HTR1F: variants seen among roughly 807,000 people sequenced by gnomAD.
HTR1F encodes the protein 5-hydroxytryptamine (serotonin) receptor 1F, G protein-coupled.
In HTR1F, 17 loss-of-function variants were observed where a neutral mutation model predicts 24.0. The ratio of observed to expected loss-of-function variants is 0.71; its 90% confidence interval spans 0.48 to 1.06. The LOEUF (loss-of-function observed/expected upper bound fraction) is 1.06. Among genes scored for constraint, HTR1F ranks in the 50% least tolerant of loss-of-function variants. HTR1F has a pLI of 0.00. For missense variants in HTR1F, 391 were observed against 427.8 expected (o/e 0.91, Z 0.76); for synonymous variants, 186 against 156.8 (o/e 1.19, Z -1.39).
At chr3:87,820,797 T>G (rs1704344798) in intron 1 of HTR1F, among the ~76,000 whole-genome samples, 1 of 152,168 alleles carries the variant, frequency 6.6e-6, no homozygotes, top group Non-Finnish European at 1.5e-5. Flanking sequence ...GTGGCTAAGA[T>G]TTACAGATTC....
At chr3:87,836,133 T>C (rs1704678129) in intron 2 of HTR1F, among the ~76,000 whole-genome samples, 1 of 152,236 alleles carries the variant, frequency 6.6e-6, no homozygotes, top group African/African-American at 2.4e-5. Context: ...GCCAGATGGA[T>C]TCCATGCTAG....
chr3:87,850,400 T>C (rs575957464), intron 2 of HTR1F, among the ~76,000 whole-genome samples: 56 of 151,814 alleles, frequency 3.7e-4, no homozygotes, highest in Admixed American at 1.3e-3. Flanking sequence ...TAGGTCGGAA[T>C]TGAACAATGA....
chr3:87,920,938 C>T (rs575631799), intron 2 of HTR1F, among the ~76,000 whole-genome samples: 1 of 152,120 alleles, frequency 6.6e-6, no homozygotes, highest in South Asian at 2.1e-4. Context: ...CTTGCTTCTC[C>T]TCTTTCTTTC....
chr3:87,920,514 A>T (rs1265135404), intron 2 of HTR1F, among the ~76,000 whole-genome samples: 7 of 152,040 alleles, frequency 4.6e-5, no homozygotes, highest in African/African-American at 1.4e-4. Context: ...TATATTTTTT[A>T]AAAAAGAAAT....
At chr3:87,907,328 T>G (rs1576013719) in intron 2 of HTR1F, among the ~76,000 whole-genome samples, 4 of 152,174 alleles carry the variant, frequency 2.6e-5, no homozygotes, top group Admixed American at 2.6e-4. Context: ...GTATATCTTC[T>G]TTTGAGAATT....
At chr3:87,972,466 A>C (rs1378072522) in intron 2 of HTR1F, among the ~76,000 whole-genome samples, 1 of 152,212 alleles carries the variant, frequency 6.6e-6, no homozygotes, top group Non-Finnish European at 1.5e-5. Flanking sequence ...TCTGGTGACT[A>C]CAGATGCACA....
chr3:87,880,847 TA>T (rs1269110991), intron 2 of HTR1F, among the ~76,000 whole-genome samples: 1 of 152,188 alleles, frequency 6.6e-6, no homozygotes, highest in African/African-American at 2.4e-5. Context: ...TAAACAGTTG[TA>T]AACTGTAATT....
chr3:87,801,065 C>G (rs937582102), intron 1 of HTR1F, among the ~76,000 whole-genome samples: 11 of 152,130 alleles, frequency 7.2e-5, no homozygotes, highest in African/African-American at 1.7e-4. Context: ...ATTCTTTTTT[C>G]TTGAAATGAA....
intron 1 of HTR1F, among the ~76,000 whole-genome samples, chr3:87,798,910 G>A (rs150803822): frequency 1.2e-3 from 181 of 152,120 alleles, no homozygotes; most frequent in Non-Finnish European, 2.0e-3. Flanking sequence ...TTCTTCATTC[G>A]TTTGGTGATC....
At chr3:87,925,675 G>C (rs751888260) in intron 2 of HTR1F, among the ~76,000 whole-genome samples, 3 of 152,102 alleles carry the variant, frequency 2.0e-5, no homozygotes, top group Non-Finnish European at 4.4e-5. Flanking sequence ...TTCTTCTTTG[G>C]AGTAATGCAG....
At chr3:87,894,701 T>C (rs1706162324) in intron 2 of HTR1F, among the ~76,000 whole-genome samples, 1 of 151,924 alleles carries the variant, frequency 6.6e-6, no homozygotes, top group Admixed American at 6.6e-5. Flanking sequence ...ATCTCTGCAT[T>C]TACCTGTTGG....
At chr3:87,845,916 C>G (rs1262781682) in intron 2 of HTR1F, among the ~76,000 whole-genome samples, 4 of 151,760 alleles carry the variant, frequency 2.6e-5, no homozygotes, top group African/African-American at 9.7e-5. Context: ...ATTGTAAATT[C>G]CTTAGGAGCA....
At chr3:87,890,303 T>A (rs7626243) in intron 2 of HTR1F, among the ~76,000 whole-genome samples, 1 of 152,246 alleles carries the variant, frequency 6.6e-6, no homozygotes, top group East Asian at 1.9e-4. Flanking sequence ...CTCAGCAATA[T>A]ACCTGAGGGA....
chr3:87,845,614 C>T (rs1297651128), intron 2 of HTR1F, among the ~76,000 whole-genome samples: 2 of 151,150 alleles, frequency 1.3e-5, no homozygotes, highest in African/African-American at 2.5e-5. Flanking sequence ...ACATTCCATG[C>T]TCATGGGTAG....
intron 2 of HTR1F, among the ~76,000 whole-genome samples, chr3:87,950,625 A>C (rs1448701257): frequency 6.6e-6 from 1 of 152,186 alleles, no homozygotes; most frequent in Non-Finnish European, 1.5e-5. Context: ...TGAGAATAAA[A>C]AGAATGATTA....
intron 2 of HTR1F, among the ~76,000 whole-genome samples, chr3:87,913,104 T>G: frequency 6.6e-6 from 1 of 152,116 alleles, no homozygotes; most frequent in Admixed American, 6.5e-5. Flanking sequence ...TAATTAAATT[T>G]AAGAGCTTCT....
chr3:87,885,883 G>A (rs1465813957), intron 2 of HTR1F, among the ~76,000 whole-genome samples: 6 of 152,110 alleles, frequency 3.9e-5, no homozygotes, highest in Non-Finnish European at 5.9e-5. Flanking sequence ...AGGACCAGAC[G>A]GATTCTCAGC....
chr3:87,835,506 C>A (rs1183242394), intron 2 of HTR1F, among the ~76,000 whole-genome samples: 1 of 152,076 alleles, frequency 6.6e-6, no homozygotes, highest in Non-Finnish European at 1.5e-5. Context: ...TATCTGAACC[C>A]CTATTTTCAT....
At position 87,974,737 on chromosome 3, in the gene HTR1F, C is replaced by T. The variant is rs545791052; in HGVS notation, c.-42-15971C>T. Among the ~76,000 whole-genome samples the T allele has an allele frequency of 2.0e-5, 3 of 152,184 alleles. No homozygotes were observed. In the East Asian group the frequency reaches 5.8e-4, roughly 29 times the overall value. ...TGCAGAGTAGGTGTATGTGTCTTTT[C>T]CTGAACTACTGATCAGCAATATTCT... On this transcript the variant is annotated intron_variant, in intron 2 of 2. Coordinates refer to ENST00000319595, the MANE Select transcript of HTR1F (RefSeq NM_001322209.2).
Sources: allele counts gnomAD v4.1 joint callset (sites outside exome capture counted in the v4.1 genomes callset), GRCh38; gene constraint gnomAD v4.1.1; transcripts MANE v1.5; gene names NCBI Gene and HGNC (gene_info 2026-07-23, HGNC 2026-07-21).